PTPRB: variants seen among roughly 807,000 people sequenced by gnomAD.
The protein encoded by PTPRB is receptor-type tyrosine-protein phosphatase beta.
In PTPRB, 97 loss-of-function variants were observed where a neutral mutation model predicts 238.1. That is an observed-to-expected ratio of 0.41 (90% CI 0.35 to 0.48). PTPRB has a LOEUF of 0.48. Among genes scored for constraint, PTPRB ranks in the 20% least tolerant of loss-of-function variants. The pLI is 0.30. For missense variants in PTPRB, 2,292 were observed against 2,681.9 expected (o/e 0.85, Z 3.21); for synonymous variants, 970 against 995.4 (o/e 0.97, Z 0.48).
chr12:70,553,751 C>T (rs1368055090), intron 20 of PTPRB, among the ~76,000 whole-genome samples: 3 of 152,122 alleles, frequency 2.0e-5, no homozygotes, highest in African/African-American at 7.2e-5. Context: ...ATCATAGCAT[C>T]CTGGATTGTT....
intron 4 of PTPRB, among the ~76,000 whole-genome samples, chr12:70,607,991 A>T (rs183449052): frequency 6.6e-6 from 1 of 151,860 alleles, no homozygotes; most frequent in African/African-American, 2.4e-5. Context: ...TGAAAAAAAA[A>T]GATAATATCT....
At chr12:70,546,136 CAAA>C (rs35320376) in intron 21 of PTPRB, among the ~76,000 whole-genome samples, 1 of 81,962 alleles carries the variant, frequency 1.2e-5, no homozygotes. Context: ...GACTCCACCT[CAAA>C]AAAAAAAAAA....
At chr12:70,593,897 T>C (rs2136472010) in intron 6 of PTPRB, among the ~76,000 whole-genome samples, 1 of 152,354 alleles carries the variant, frequency 6.6e-6, no homozygotes, top group Admixed American at 6.5e-5. Context: ...TTGGATATTA[T>C]ATCAGCAATG....
rs763047516 is a variant in PTPRB at position 70,571,778 on chromosome 12, CT to C, written c.3106+45del. On this transcript the variant is annotated intron_variant, in intron 12 of 33. Coordinates refer to ENST00000334414, the MANE Select transcript of PTPRB (RefSeq NM_001109754.4). ...CAAGGTTCAGATAAATTACTAGAGA[CT>C]TTCAAGTCCAACCAACTGTCAGATT... 1.6e-5 allele frequency: 26 copies of C among 1,577,398 alleles called. 1 individual carries two copies. The African/African-American group carries it at 3.3e-4, about 20-fold the overall frequency.
At position 70,555,041 on chromosome 12, in the gene PTPRB, G is replaced by T. The variant is rs905735359; in HGVS notation, c.5143+119C>A. 6 of 1,203,090 alleles carry T rather than the reference G, an allele frequency of 5.0e-6. No individual in the cohort carries two copies. In the Admixed American group the frequency reaches 9.9e-5, roughly 20 times the overall value. The allele number at this position is 1,203,090 out of a possible 1,614,324, so 74.5% of individuals were successfully genotyped here. ...GTATCCAGCAGAGAGAGGGGTGAATGATACAAAAATTACATTTTCTACTTA... is the reference window on the plus strand; with the variant it reads ...GTATCCAGCAGAGAGAGGGGTGAATTATACAAAAATTACATTTTCTACTTA... On this transcript the variant is annotated intron_variant, in intron 20 of 33. Transcript: ENST00000334414.
chr12:70,609,321 C>T lies in PTPRB; in HGVS notation c.727G>A (p.Glu243Lys). 6.2e-7 allele frequency: 1 copy of T among 1,613,926 alleles called. No homozygotes were observed. The highest frequency in any genetic ancestry group is 8.5e-7 in the Non-Finnish European group (1 of 1,179,860). ...TCCGCCAGGGTGAAGTTACATCTCT[C>T]TGGCTCCGCCAGTCCAGTCTGCAAA... ...TTEETGLAEPERCNFTLAESK... is the reference protein window; with the variant it reads ...TTEETGLAEPKRCNFTLAESK... Residue 243 changes from glutamate (E) to lysine (K), a missense_variant, in exon 4 of 34, where the codon GAG (glutamate) becomes AAG (lysine). Transcript: ENST00000334414.
At chr12:70,616,520 A>C (rs979960489) in intron 3 of PTPRB, among the ~76,000 whole-genome samples, 5 of 152,208 alleles carry the variant, frequency 3.3e-5, no homozygotes, top group Non-Finnish European at 5.9e-5. Context: ...AGATTTTCAC[A>C]CAATAGGTGC....
At chr12:70,559,243 G>T in intron 18 of PTPRB, 100 bp downstream of exon 18, 1 of 1,301,214 alleles carries the variant, frequency 7.7e-7, no homozygotes, top group Non-Finnish European at 1.1e-6. Context: ...CCAATCCCAT[G>T]TAAAAATATG....
rs145961800 is a variant in PTPRB at position 70,608,284 on chromosome 12, G to C, written c.979+785C>G. On this transcript the variant is annotated intron_variant, in intron 4 of 33. Transcript: ENST00000334414. Reference sequence around the variant, plus strand: ...AACCTGAAAATTGTTAAAGAATTTAGAGCATGTCTGAGGGTAGCTCTGAGG... The same window carrying C: ...AACCTGAAAATTGTTAAAGAATTTACAGCATGTCTGAGGGTAGCTCTGAGG... Among the ~76,000 whole-genome samples, 613 of 152,318 alleles carry C rather than the reference G, an allele frequency of 4.0e-3. 4 individuals are homozygous for C. The highest frequency in any genetic ancestry group is 0.021 in the Middle Eastern group (6 of 292).
At chr12:70,539,881 C>G (rs748410544) in intron 24 of PTPRB, 37 bp from the exon 25 acceptor site, 1 of 1,577,052 alleles carries the variant, frequency 6.3e-7, no homozygotes, top group Non-Finnish European at 8.7e-7. Flanking sequence ...ACTTTGTTAG[C>G]AAATTTCACA....
chr12:70,609,047 A>C (rs1592586147), intron 4 of PTPRB, 22 bp downstream of exon 4: 1 of 1,612,402 alleles, frequency 6.2e-7, no homozygotes. Flanking sequence ...TTGGCCATCC[A>C]ATTGCACCTG....
In PTPRB at chr12:70,590,078, C is replaced by T. The variant is rs779695059; in HGVS notation, c.1936G>A (p.Glu646Lys). 2 of 1,613,992 alleles carry T rather than the reference C, an allele frequency of 1.2e-6. No homozygotes were observed. The highest frequency in any genetic ancestry group is 2.2e-5 in the South Asian group (2 of 91,084). Residue 646 changes from glutamate (E) to lysine (K), a missense_variant, in exon 8 of 34, where the codon GAA (glutamate) becomes AAA (lysine). By Grantham distance (56) the Glu-to-Lys change is moderately conservative. Around this residue, in one of 4 missense-constraint regions of PTPRB, gnomAD observed 1,205 missense variants for 1,287.8 expected, o/e 0.94. Transcript: ENST00000334414. ...GTGTCATCCATGACATACTGTGTTT[C>T]TTCCTTTCCCACAGTGATGTTGAGC... ...VLLNITVGKEETQYVMDDTGL... is the reference protein window; with the variant it reads ...VLLNITVGKEKTQYVMDDTGL...
At chr12:70,590,419 A>C (rs1304045667) in intron 7 of PTPRB, among the ~76,000 whole-genome samples, 186 bp from the exon 8 acceptor site, 1 of 152,104 alleles carries the variant, frequency 6.6e-6, no homozygotes, top group African/African-American at 2.4e-5. Flanking sequence ...ACACACAAGA[A>C]ATGTCCGCTA....
At chr12:70,590,272 A>T in intron 7 of PTPRB, 39 bp from the exon 8 acceptor site, 1 of 1,503,172 alleles carries the variant, frequency 6.7e-7, no homozygotes, top group Non-Finnish European at 8.9e-7. Flanking sequence ...GATATTACAG[A>T]CCAAAAGTAA....
chr12:70,559,217 T>C (rs1592471883), intron 18 of PTPRB, 126 bp downstream of exon 18: 2 of 1,043,672 alleles, frequency 1.9e-6, no homozygotes, highest in East Asian at 4.8e-5. Flanking sequence ...GACTTCTGCC[T>C]GAATTCAAAT....
intron 15 of PTPRB, among the ~76,000 whole-genome samples, chr12:70,563,500 G>C (rs1022936139): frequency 6.6e-6 from 1 of 152,076 alleles, no homozygotes; most frequent in Admixed American, 6.5e-5. Flanking sequence ...CTCTCCTTTT[G>C]TCAGGCCCTT....
At chr12:70,533,529 G>C (rs773903493) in intron 31 of PTPRB, among the ~76,000 whole-genome samples, 1 of 152,216 alleles carries the variant, frequency 6.6e-6, no homozygotes, top group Non-Finnish European at 1.5e-5. Flanking sequence ...ACAGACTGAA[G>C]CAAAGAGAAA....
At chr12:70,609,046 C>G in intron 4 of PTPRB, 23 bp downstream of exon 4, 1 of 1,612,014 alleles carries the variant, frequency 6.2e-7, no homozygotes, top group Non-Finnish European at 8.5e-7. Context: ...CTTGGCCATC[C>G]AATTGCACCT....
At chr12:70,573,696 G>A (rs891252217) in intron 11 of PTPRB, among the ~76,000 whole-genome samples, 2 of 151,480 alleles carry the variant, frequency 1.3e-5, no homozygotes, top group African/African-American at 4.9e-5. Context: ...TAGTAGAGAT[G>A]GGATTTCACC....
Sources: allele counts gnomAD v4.1 joint callset (sites outside exome capture counted in the v4.1 genomes callset), GRCh38; gene constraint gnomAD v4.1.1; regional missense constraint gnomAD v4.1.1; transcripts MANE v1.5; gene names NCBI Gene and HGNC (gene_info 2026-07-23, HGNC 2026-07-21).